The following ZNF106 variants were observed in gnomAD, a reference collection of about 807,000 sequenced individuals.
ZNF106 encodes the protein SH3-domain binding protein 3.
ZNF106 carries 67 observed loss-of-function variants against 195.1 expected under a neutral mutation model. The observed-to-expected ratio is 0.34, with a 90% CI of 0.28 to 0.42. The LOEUF is 0.42. Ranked by LOEUF, ZNF106 falls within the 10% of genes least tolerant of loss-of-function variation. The probability of loss-of-function intolerance (pLI) is 1.00; values close to 1 mark genes in which losing one functional copy is unlikely to be tolerated. For missense variants in ZNF106, 2,118 were observed against 2,304.5 expected, an observed-to-expected ratio of 0.92 and a Z score of 1.66; for synonymous variants, 784 against 818.6, an observed-to-expected ratio of 0.96 and a Z score of 0.72.
At chr15:42,478,668 C>G (rs1468323743) in intron 1 of ZNF106, among the ~76,000 whole-genome samples, 1 of 151,840 alleles carries the variant, frequency 6.6e-6, no homozygotes, top group Non-Finnish European at 1.5e-5. Context: ...CCTGCCACCA[C>G]GCCCAGCTAA....
chr15:42,472,708 C>G (rs923170439), intron 1 of ZNF106, among the ~76,000 whole-genome samples: 2 of 152,090 alleles, frequency 1.3e-5, no homozygotes, highest in African/African-American at 4.8e-5. Context: ...GAATAAGATT[C>G]TTTTAAAGTT....
At chr15:42,469,330 A>C (rs1338225357) in intron 2 of ZNF106, among the ~76,000 whole-genome samples, 1 of 152,182 alleles carries the variant, frequency 6.6e-6, no homozygotes, top group African/African-American at 2.4e-5. Context: ...ACCATTCCTG[A>C]CCAAAACAGC....
rs1009493795 is a variant in ZNF106, at chr15:42,451,942, A to C, written c.330T>G (p.Pro110=). The C allele has an allele frequency of 6.8e-6, 11 of 1,608,558 alleles. No individual in the cohort carries two copies. The highest frequency in any genetic ancestry group is 9.3e-6 in the Non-Finnish European group (11 of 1,177,700). ...AGTTTATTTCTTGGTTGCTATTGGAAGGTTCATCTTGTCTGGAAGAAAAAC... is the reference window on the plus strand; with the variant it reads ...AGTTTATTTCTTGGTTGCTATTGGACGGTTCATCTTGTCTGGAAGAAAAAC... The part of the protein sequence containing the change: ...QRKEQSRQDE[P]SNSNQEINSD... The change falls in exon 5 of 22, where the codon CCT becomes CCG. Residue 110 remains proline, a synonymous_variant. Transcript: ENST00000564754.
intron 1 of ZNF106, 34 bp from the exon 2 acceptor site, chr15:42,472,355 CTCCTCA>C (rs1175953103): frequency 4.8e-6 from 7 of 1,456,864 alleles, no homozygotes; most frequent in Non-Finnish European, 6.5e-6. Flanking sequence ...GTAACCTTTT[CTCCTCA>C]GTACCTTCTT....
At chr15:42,473,950 T>C (rs2056731772) in intron 1 of ZNF106, among the ~76,000 whole-genome samples, 1 of 152,158 alleles carries the variant, frequency 6.6e-6, no homozygotes. Context: ...CCAGCCACCG[T>C]GCTGTGAGAA....
chr15:42,429,846 C>G (rs530178286), intron 14 of ZNF106, among the ~76,000 whole-genome samples: 1 of 152,080 alleles, frequency 6.6e-6, no homozygotes, highest in East Asian at 1.9e-4. Context: ...GATGAATTTT[C>G]AAACATTATG....
At position 42,442,256 on chromosome 15, in the gene ZNF106, G is replaced by A; in HGVS notation, c.3580C>T (p.Pro1194Ser). 6 of 1,614,180 alleles carry A rather than the reference G, an allele frequency of 3.7e-6. No homozygotes were observed. Among genetic ancestry groups the A allele is most frequent in the Non-Finnish European group, 5.1e-6 (6 of 1,180,036 alleles). The change falls in exon 10 of 22, where the codon CCC (proline) becomes TCC (serine). Residue 1194 changes from proline to serine, a missense_variant. Transcript: ENST00000564754. ...GTTATTTGAAGAGAGGCTCCGGTGG[G>A]TGATGGAGACACATGGGAAGATGGA... is the stretch of plus-strand genomic sequence containing the variant. ...EPPSSHVSPS[P>S]TGASLQITTS...
At position 42,451,483 on chromosome 15, in the gene ZNF106, A is replaced by G. The variant is rs2056028289; in HGVS notation, c.789T>C (p.Pro263=). 1 of 1,614,208 alleles carries G rather than the reference A, an allele frequency of 6.2e-7. No homozygotes were observed. Residue 263 remains proline (P), a synonymous_variant, in exon 5 of 22, where the codon CCT becomes CCC. Coordinates refer to ENST00000564754, the MANE Select transcript of ZNF106 (RefSeq NM_001366845.3). ...TTCTGCCTGGTTGAAATTTGTCTCC[A>G]GGGCCACTGTAATTCCAATTATTTG... The part of the protein sequence containing the change: ...RSTNNWNYSG[P]GDKFQPGRNR...
intron 17 of ZNF106, among the ~76,000 whole-genome samples, chr15:42,422,897 T>C (rs1189656407): frequency 1.3e-5 from 2 of 152,062 alleles, no homozygotes; most frequent in African/African-American, 4.8e-5. Context: ...CAAAACTCTA[T>C]CTGTATTTAT....
intron 1 of ZNF106, among the ~76,000 whole-genome samples, chr15:42,473,660 CAGT>C (rs2056727137): frequency 6.6e-6 from 1 of 152,154 alleles, no homozygotes. Context: ...CACATAGTTC[CAGT>C]TTCTCTATTC....
At position 42,428,012 on chromosome 15, in the gene ZNF106, A is replaced by G. The variant is rs1233910176; in HGVS notation, c.4998+6T>C. 6.2e-7 allele frequency: 1 copy of G among 1,611,236 alleles called. No individual in the cohort carries two copies. On this transcript the variant is annotated splice_donor_region_variant and intron_variant, in intron 15 of 21. Coordinates refer to ENST00000564754, the MANE Select transcript of ZNF106 (RefSeq NM_001366845.3). ...GAAGTAAGCCTTTTCTCCTCCAACCACTAACCTTTATGTTGAAGGTGACCA... is the reference window on the plus strand; with the variant it reads ...GAAGTAAGCCTTTTCTCCTCCAACCGCTAACCTTTATGTTGAAGGTGACCA...
At chr15:42,460,958 G>C (rs1033324995) in intron 3 of ZNF106, among the ~76,000 whole-genome samples, 2 of 150,346 alleles carry the variant, frequency 1.3e-5, no homozygotes, top group Middle Eastern at 3.4e-3. Flanking sequence ...TAGAAACTTT[G>C]CAAGAAACTT....
At chr15:42,417,383 C>A in intron 21 of ZNF106, 23 bp from the exon 22 acceptor site, 3 of 1,613,286 alleles carry the variant, frequency 1.9e-6, no homozygotes, top group Non-Finnish European at 8.5e-7. Context: ...GGAAAAGGGC[C>A]CATGAGAGAG....
At chr15:42,447,134 T>C (rs1036236659) in intron 6 of ZNF106, among the ~76,000 whole-genome samples, 2 of 152,224 alleles carry the variant, frequency 1.3e-5, no homozygotes, top group Non-Finnish European at 2.9e-5. Context: ...ATCCACTACA[T>C]ATAGCATCTA....
intron 1 of ZNF106, among the ~76,000 whole-genome samples, chr15:42,486,823 C>A (rs1298149819): frequency 6.6e-6 from 1 of 152,058 alleles, no homozygotes; most frequent in East Asian, 1.9e-4. Context: ...ATATTGTACA[C>A]AATAAATACA....
intron 4 of ZNF106, among the ~76,000 whole-genome samples, chr15:42,453,054 T>C (rs539014223): frequency 9.2e-5 from 14 of 152,318 alleles, no homozygotes; most frequent in Admixed American, 2.6e-4. Context: ...ATTTTTCCAG[T>C]TGTAGGTTCT....
In ZNF106 at chr15:42,439,054, T is replaced by C. The variant is rs372989627; in HGVS notation, c.4523A>G (p.Tyr1508Cys). 14 of 1,613,546 alleles carry C rather than the reference T, an allele frequency of 8.7e-6. No homozygotes were observed. In the African/African-American group the frequency reaches 1.2e-4, roughly 14 times the overall value. The stretch of plus-strand genomic sequence containing the variant: ...TTACCTTACAGGGATGCCATCTTTA[T>C]AGCGAGTGCCAATTTCACTGGTAGA... The part of the protein sequence containing the change: ...VSSTSEIGTR[Y>C]KDGIPVSVAE... The change falls in exon 11 of 22, where the codon TAT becomes TGT. Residue 1508 changes from tyrosine (Y) to cysteine (C), a missense_variant. By Grantham distance (194) the Tyr-to-Cys change is radical. Coordinates refer to ENST00000564754, the MANE Select transcript of ZNF106 (RefSeq NM_001366845.3).
At chr15:42,481,606 G>T (rs1595499182) in intron 1 of ZNF106, among the ~76,000 whole-genome samples, 1 of 151,712 alleles carries the variant, frequency 6.6e-6, no homozygotes, top group Non-Finnish European at 1.5e-5. Flanking sequence ...GTCATCACCC[G>T]CATCAACCTC....
At chr15:42,480,398 C>G (rs1023182369) in intron 1 of ZNF106, among the ~76,000 whole-genome samples, 1 of 152,022 alleles carries the variant, frequency 6.6e-6, no homozygotes, top group Non-Finnish European at 1.5e-5. Flanking sequence ...TTTGTATGAT[C>G]TTTTTCCATG....
Sources: allele counts gnomAD v4.1 joint callset (sites outside exome capture counted in the v4.1 genomes callset), GRCh38; gene constraint gnomAD v4.1.1; transcripts MANE v1.5; gene names NCBI Gene and HGNC (gene_info 2026-07-23, HGNC 2026-07-21).